The following CASZ1 variants were observed in gnomAD, a reference collection of about 807,000 sequenced individuals.
The protein encoded by CASZ1 is zinc finger protein castor homolog 1.
In CASZ1, 28 loss-of-function variants were observed where a neutral mutation model predicts 135.2. That is an observed-to-expected ratio of 0.21 (90% confidence interval 0.15 to 0.28). CASZ1 has a LOEUF of 0.28. Ranked by LOEUF, CASZ1 falls within the 10% of genes least tolerant of loss-of-function variation. The probability of loss-of-function intolerance (pLI) is 1.00; values close to 1 mark genes in which losing one functional copy is unlikely to be tolerated. For synonymous variants in CASZ1, 1,068 were observed against 1,073.4 expected (o/e 0.99, Z 0.10); for missense variants, 2,161 against 2,453.3 (o/e 0.88, Z 2.52).
intron 1 of CASZ1, among the ~76,000 whole-genome samples, chr1:10,789,707 A>G (rs550809549): frequency 6.6e-6 from 1 of 151,748 alleles, no homozygotes; most frequent in Admixed American, 6.6e-5. Flanking sequence ...CAATAAACCC[A>G]TCTCTCTTCT....
At chr1:10,790,317 C>G (rs1640934439) in intron 1 of CASZ1, among the ~76,000 whole-genome samples, 1 of 152,246 alleles carries the variant, frequency 6.6e-6, no homozygotes, top group Non-Finnish European at 1.5e-5. Context: ...GTCTGCCGGG[C>G]TGCCCTTCAG....
At chr1:10,763,778 T>A (rs1330386736) in intron 1 of CASZ1, among the ~76,000 whole-genome samples, 3 of 152,248 alleles carry the variant, frequency 2.0e-5, no homozygotes, top group Non-Finnish European at 2.9e-5. Flanking sequence ...TCGGTGGAAC[T>A]GAACTAGTCC....
In CASZ1 at chr1:10,637,495, G is replaced by T. The variant is rs746379625; in HGVS notation, c.*1447C>A. ...CAGGTTCCTCCTGGAGACCTCTGGG[G>T]AGGAGGCTTCTGGATGACAGCCTCC... On this transcript the variant is annotated 3_prime_UTR_variant, in exon 21 of 21. Transcript: ENST00000377022. 6.6e-6 allele frequency: 1 copy of T among 152,372 alleles called. No individual in the cohort carries two copies. The highest frequency in any genetic ancestry group is 1.5e-5 in the Non-Finnish European group (1 of 68,050). 9.4% of individuals were successfully genotyped at this position (152,372 alleles called of 1,614,324 possible).
Position 10,647,314 on chromosome 1 carries a change from G to C in CASZ1, c.3497+487C>G. 1 of 1,004,964 alleles carries C rather than the reference G, an allele frequency of 1.0e-6. No individual in the cohort carries two copies. Among genetic ancestry groups the C allele is most frequent in the Non-Finnish European group, 1.2e-6 (1 of 840,796 alleles). 62.3% of individuals were successfully genotyped at this position (1,004,964 alleles called of 1,614,324 possible). A position where few individuals can be genotyped will look rare whatever the true frequency, so the allele number is the denominator to read the frequency against. On this transcript the variant is annotated intron_variant, in intron 16 of 20. Transcript: ENST00000377022. This position sits in a 1 kb window ranked among gnomAD's most constrained non-coding sequence, Gnocchi z 4.9. The stretch of plus-strand genomic sequence containing the variant: ...CAAGGAGCCACCACCATCCAGTGAG[G>C]AGGGTCCCTTCCACCCAAGAGCTCA...
intron 1 of CASZ1, among the ~76,000 whole-genome samples, chr1:10,795,914 C>A (rs1641058454): frequency 6.6e-6 from 1 of 152,130 alleles, no homozygotes; most frequent in South Asian, 2.1e-4. Flanking sequence ...GCACCTACAC[C>A]CGGTATCCGG....
rs1438500311 is a variant in CASZ1 at position 10,767,759 on chromosome 1, G to A, written c.-233-6902C>T. ...TTTTATGACCCACTGCAAGCAGAAA[G>A]GGCCACATCAGCAGGTCCGGTTGCA... On this transcript the variant is annotated intron_variant, in intron 1 of 20. Coordinates refer to ENST00000377022, the MANE Select transcript of CASZ1 (RefSeq NM_001079843.3). The surrounding 1 kb of genome is among the most constrained non-coding windows in gnomAD (Gnocchi z 4.2). 6.6e-6 allele frequency among the ~76,000 whole-genome samples: 1 copy of A among 152,174 alleles called. No homozygotes were observed. Among genetic ancestry groups the A allele is most frequent in the Non-Finnish European group, 1.5e-5 (1 of 68,024 alleles).
rs1000176245 is a variant in CASZ1, at chr1:10,767,199, C to CG, written c.-233-6343dup. Among the ~76,000 whole-genome samples, 2 of 152,204 alleles carry CG rather than the reference C, an allele frequency of 1.3e-5. No homozygotes were observed. The highest frequency in any genetic ancestry group is 4.8e-5 in the African/African-American group (2 of 41,438). On this transcript the variant is annotated intron_variant, in intron 1 of 20. Transcript: ENST00000377022. The surrounding 1 kb of genome is among the most constrained non-coding windows in gnomAD (Gnocchi z 4.2). ...GAGTGGGGAAAAGATGGGGCCCGGT[C>CG]GTCCACATTCCTCATGAGTTCCTGC...
intron 2 of CASZ1, among the ~76,000 whole-genome samples, chr1:10,738,995 T>C (rs1281428563): frequency 6.6e-6 from 1 of 150,724 alleles, no homozygotes; most frequent in African/African-American, 2.4e-5. Flanking sequence ...TGTCAAAATG[T>C]TCTCAACAAG....
rs1570428603 is a variant in CASZ1 at position 10,658,899 on chromosome 1, C to G, written c.1341-323G>C. On this transcript the variant is annotated intron_variant, in intron 6 of 20. Coordinates refer to ENST00000377022, the MANE Select transcript of CASZ1 (RefSeq NM_001079843.3). ...GGCCGCTGGCTGAGGGGCACCAGGC[C>G]TCCCAACAGGGAGGGATTCGAGGTG... 2.0e-5 allele frequency among the ~76,000 whole-genome samples: 3 copies of G among 152,312 alleles called. No individual in the cohort carries two copies. In the South Asian group the frequency reaches 6.2e-4, roughly 32 times the overall value.
At chr1:10,772,642 G>C (rs1301726011) in intron 1 of CASZ1, among the ~76,000 whole-genome samples, 1 of 152,066 alleles carries the variant, frequency 6.6e-6, no homozygotes, top group African/African-American at 2.4e-5. Context: ...CCAGAAGCTC[G>C]GCCAGTTTAA....
At chr1:10,672,675 C>A (rs1298639876) in intron 4 of CASZ1, among the ~76,000 whole-genome samples, 1 of 152,130 alleles carries the variant, frequency 6.6e-6, no homozygotes, top group African/African-American at 2.4e-5. Context: ...AAACGAATAA[C>A]CATCTAATTT....
chr1:10,735,719 C>T lies in CASZ1; in HGVS notation c.-77+24982G>A, dbSNP rs1357985237. ...TCCTTCGGTTAAATGAGGTCAAATG[C>T]TTTTCAAGTCACGGGCATCTGCCTA... On this transcript the variant is annotated intron_variant, in intron 2 of 20. Coordinates refer to ENST00000377022, the MANE Select transcript of CASZ1 (RefSeq NM_001079843.3). This position sits in a 1 kb window ranked among gnomAD's most constrained non-coding sequence, Gnocchi z 5.1. Among the ~76,000 whole-genome samples the T allele has an allele frequency of 6.6e-6, 1 of 152,196 alleles. No homozygotes were observed. Among genetic ancestry groups the T allele is most frequent in the African/African-American group, 2.4e-5 (1 of 41,432 alleles).
chr1:10,696,263 C>G (rs193204321), intron 3 of CASZ1, among the ~76,000 whole-genome samples: 2 of 152,330 alleles, frequency 1.3e-5, no homozygotes, highest in South Asian at 2.1e-4. Flanking sequence ...CTGGCAGTCC[C>G]CACTCCTGGC....
chr1:10,698,032 A>G (rs1359435294), intron 3 of CASZ1, among the ~76,000 whole-genome samples: 1 of 152,224 alleles, frequency 6.6e-6, no homozygotes, highest in African/African-American at 2.4e-5. Context: ...TGGGCCACAG[A>G]CAGGTGGGTG....
At chr1:10,705,229 G>A (rs925264035) in intron 3 of CASZ1, among the ~76,000 whole-genome samples, 1 of 152,184 alleles carries the variant, frequency 6.6e-6, no homozygotes, top group Admixed American at 6.5e-5. Flanking sequence ...CCCTGAGCAC[G>A]TTCCTTCCCC....
At chr1:10,772,449 C>T (rs1640593044) in intron 1 of CASZ1, among the ~76,000 whole-genome samples, 1 of 152,178 alleles carries the variant, frequency 6.6e-6, no homozygotes, top group Non-Finnish European at 1.5e-5. Flanking sequence ...GGCTGAGGAT[C>T]AGGAGCAGGG....
intron 4 of CASZ1, among the ~76,000 whole-genome samples, chr1:10,686,752 T>A (rs949998658): frequency 1.4e-4 from 22 of 152,138 alleles, no homozygotes; most frequent in Admixed American, 1.4e-3. Context: ...ATTAAACAGG[T>A]CACCCTGGCA....
chr1:10,765,536 C>T (rs1640459290), intron 1 of CASZ1, among the ~76,000 whole-genome samples: 1 of 152,138 alleles, frequency 6.6e-6, no homozygotes, highest in East Asian at 1.9e-4. Context: ...AGGTATTCGA[C>T]GGTACACAAA....
At position 10,659,709 on chromosome 1, in the gene CASZ1, T is replaced by C. The variant is rs913235958; in HGVS notation, c.1333A>G (p.Thr445Ala). The change falls in exon 6 of 21, where the codon ACT (threonine) becomes GCT (alanine). Residue 445 changes from threonine to alanine, a missense_variant. This residue lies in a region of CASZ1 where 248 missense variants were observed against 410.8 expected (regional missense o/e 0.60). Coordinates refer to ENST00000377022, the MANE Select transcript of CASZ1 (RefSeq NM_001079843.3). ...TDSITTGTVS[T>A]VKNGLPTDKP... ...GGGTGGGGAGCGCCTTACTTGACAG[T>C]GGAGACGGTCCCCGTGGTGATGGAG... 3.1e-6 allele frequency: 5 copies of C among 1,612,930 alleles called. No individual in the cohort carries two copies. Among genetic ancestry groups the C allele is most frequent in the Middle Eastern group, 1.6e-4 (1 of 6,082 alleles).
Sources: gnomAD v4.1 joint callset for allele counts (sites outside exome capture counted in the v4.1 genomes callset) on GRCh38, gnomAD v4.1.1 for gene constraint, gnomAD v4.1.1 regional missense constraint, Gnocchi (gnomAD v3.1) non-coding constraint, MANE v1.5 for transcripts, NCBI Gene and HGNC (gene_info 2026-07-23, HGNC 2026-07-21) for gene names.